The following XRN2 variants were observed in gnomAD, a reference collection of about 807,000 sequenced individuals.
XRN2 encodes the protein DHM1-like protein.
A neutral mutation model predicts 138.5 loss-of-function variants in XRN2; 44 were observed. The observed-to-expected ratio is 0.32, with a 90% CI of 0.25 to 0.41. The LOEUF (loss-of-function observed/expected upper bound fraction) is 0.41. Among genes scored for constraint, XRN2 ranks in the 10% least tolerant of loss-of-function variants. The pLI is 1.00. For missense variants in XRN2, 937 were observed against 1,169.3 expected, an observed-to-expected ratio of 0.80 and a Z score of 2.90; for synonymous variants, 354 against 369.4, an observed-to-expected ratio of 0.96 and a Z score of 0.48.
intron 20 of XRN2, among the ~76,000 whole-genome samples, chr20:21,349,850 A>G (rs1383721963): frequency 6.6e-6 from 1 of 152,244 alleles, no homozygotes; most frequent in Non-Finnish European, 1.5e-5. Flanking sequence ...AATGATTAAT[A>G]GTAAATTTAA....
chr20:21,340,688 T>C (rs182846039), intron 14 of XRN2, 33 bp from the exon 15 acceptor site: 1 of 1,602,944 alleles, frequency 6.2e-7, no homozygotes, highest in East Asian at 2.2e-5. Context: ...TGTGATTTAA[T>C]TTTAATTTCT....
chr20:21,354,829 A>C lies in XRN2; in HGVS notation c.1977A>C (p.Arg659=). 1 of 1,614,054 alleles carries C rather than the reference A, an allele frequency of 6.2e-7. No homozygotes were observed. The highest frequency in any genetic ancestry group is 8.5e-7 in the Non-Finnish European group (1 of 1,179,962). The change falls in exon 21 of 30, where the codon CGA becomes CGC. Residue 659 remains arginine, a synonymous_variant. Transcript: ENST00000377191. ...LLPFVDERRL[R]AALEEVYPDL... is the part of the protein sequence containing the mutation. ...CATTCGTGGATGAGCGAAGGCTACG[A>C]GCTGCCCTAGAAGAGGTATACCCAG...
chr20:21,334,157 G>T lies in XRN2; in HGVS notation c.1205G>T (p.Ser402Ile). The T allele has an allele frequency of 6.2e-7, 1 of 1,613,800 alleles. No individual in the cohort carries two copies. The highest frequency in any genetic ancestry group is 8.5e-7 in the Non-Finnish European group (1 of 1,179,894). ...TTAGCAGTTGGTGAAGTTGAGGATA[G>T]CATTTTTAAAAAGAGAAAGGATGAT... Reference protein sequence around the residue: ...IMLAVGEVEDSIFKKRKDDED... With the variant: ...IMLAVGEVEDIIFKKRKDDED... The change falls in exon 13 of 30, where the codon AGC becomes ATC. Residue 402 changes from serine (S) to isoleucine (I), a missense_variant. Ser to Ile is a moderately radical substitution (Grantham distance 142, BLOSUM62 -2). This residue lies in a region of XRN2 where 471 missense variants were observed against 581.2 expected (regional missense o/e 0.81). Coordinates refer to ENST00000377191, the MANE Select transcript of XRN2 (RefSeq NM_012255.5).
chr20:21,359,660 T>C (rs571443995), intron 24 of XRN2, among the ~76,000 whole-genome samples: 5 of 152,314 alleles, frequency 3.3e-5, no homozygotes, highest in Admixed American at 6.5e-5. Flanking sequence ...AGTTAACTTT[T>C]CCCTTAGGTA....
At chr20:21,388,353 G>T (rs1180628848) in intron 29 of XRN2, among the ~76,000 whole-genome samples, 1 of 152,032 alleles carries the variant, frequency 6.6e-6, no homozygotes, top group Admixed American at 6.6e-5. Flanking sequence ...TAAACCAATT[G>T]GTAAATTTAT....
At chr20:21,338,954 TA>T in intron 13 of XRN2, 89 bp from the exon 14 acceptor site, 1 of 1,289,370 alleles carries the variant, frequency 7.8e-7, no homozygotes, top group Non-Finnish European at 1.1e-6. Flanking sequence ...CTTTAAAACT[TA>T]AGTTGTCTCC....
chr20:21,352,201 AACTT>A (rs1419287718), intron 20 of XRN2, among the ~76,000 whole-genome samples: 2 of 152,200 alleles, frequency 1.3e-5, no homozygotes, highest in South Asian at 2.1e-4. Flanking sequence ...ATGTTTTTAA[AACTT>A]ACTTAGTGAA....
intron 1 of XRN2, among the ~76,000 whole-genome samples, chr20:21,317,675 T>C (rs1214794674): frequency 6.6e-6 from 1 of 152,186 alleles, no homozygotes; most frequent in African/African-American, 2.4e-5. Flanking sequence ...AAATACCTGG[T>C]ACAATGTAAA....
At chr20:21,343,752 TTG>T (rs1385118206) in intron 15 of XRN2, among the ~76,000 whole-genome samples, 5 of 151,904 alleles carry the variant, frequency 3.3e-5, no homozygotes, top group African/African-American at 1.2e-4. Flanking sequence ...TCACAAATGA[TTG>T]TGAACCACCA....
At chr20:21,339,164 G>T in intron 14 of XRN2, 76 bp downstream of exon 14, 2 of 1,430,972 alleles carry the variant, frequency 1.4e-6, no homozygotes, top group Non-Finnish European at 1.9e-6. Context: ...CATTACAGTA[G>T]CTTTATTCCT....
At chr20:21,375,840 T>A (rs1306986496) in intron 27 of XRN2, among the ~76,000 whole-genome samples, 2 of 150,970 alleles carry the variant, frequency 1.3e-5, no homozygotes, top group African/African-American at 4.8e-5. Context: ...TTTATTTATT[T>A]ATTTATTTAT....
At chr20:21,353,284 A>G (rs1303697180) in intron 20 of XRN2, among the ~76,000 whole-genome samples, 2 of 144,106 alleles carry the variant, frequency 1.4e-5, no homozygotes, top group East Asian at 2.0e-4. Context: ...TGTAGTGGGT[A>G]GAAAACAAGC....
chr20:21,303,676 C>G, intron 1 of XRN2: 1 of 1,325,548 alleles, frequency 7.5e-7, no homozygotes, highest in Non-Finnish European at 9.6e-7. Flanking sequence ...AATTCAGGAC[C>G]CTCGGCGGGG....
chr20:21,331,668 C>T (rs552499003), intron 7 of XRN2, 35 bp downstream of exon 7: 20 of 1,600,956 alleles, frequency 1.2e-5, no homozygotes, highest in Non-Finnish European at 1.7e-5. Flanking sequence ...ATTATATGTT[C>T]TATTTTTAAA....
intron 24 of XRN2, among the ~76,000 whole-genome samples, chr20:21,360,010 T>TG (rs1362763820): frequency 2.6e-5 from 4 of 152,176 alleles, no homozygotes; most frequent in Non-Finnish European, 4.4e-5. Flanking sequence ...TCAGAAAGTA[T>TG]GTTATACAAG....
At chr20:21,368,424 C>T (rs374265980) in intron 26 of XRN2, 39 bp from the exon 27 acceptor site, 55 of 1,611,172 alleles carry the variant, frequency 3.4e-5, no homozygotes, top group Admixed American at 5.0e-5. Flanking sequence ...GGGTATATCA[C>T]TATACAATTT....
intron 1 of XRN2, among the ~76,000 whole-genome samples, chr20:21,321,555 A>G (rs1389578539): frequency 6.6e-6 from 1 of 151,930 alleles, no homozygotes; most frequent in Non-Finnish European, 1.5e-5. Context: ...CCTGGGTGCA[A>G]GTGATTCTCC....
intron 1 of XRN2, among the ~76,000 whole-genome samples, chr20:21,314,914 A>G (rs902669848): frequency 3.9e-5 from 6 of 152,226 alleles, no homozygotes; most frequent in African/African-American, 7.2e-5. Flanking sequence ...ACAGAAGCCT[A>G]GGATTCATTC....
intron 27 of XRN2, among the ~76,000 whole-genome samples, chr20:21,372,255 A>C (rs1026774650): frequency 3.3e-5 from 5 of 152,116 alleles, no homozygotes; most frequent in Non-Finnish European, 7.4e-5. Flanking sequence ...GGAGTGAAAA[A>C]GTTTATGGAC....
Sources: gnomAD v4.1 joint callset for allele counts (sites outside exome capture counted in the v4.1 genomes callset) on GRCh38, gnomAD v4.1.1 for gene constraint, gnomAD v4.1.1 regional missense constraint, MANE v1.5 for transcripts, NCBI Gene and HGNC (gene_info 2026-07-23, HGNC 2026-07-21) for gene names.